HOXC4: variants seen among roughly 807,000 people sequenced by gnomAD.
The protein encoded by HOXC4 is homeobox C4.
In HOXC4, 15 loss-of-function variants were observed where a neutral mutation model predicts 25.5. The ratio of observed to expected loss-of-function variants is 0.59; its 90% confidence interval spans 0.39 to 0.91. The LOEUF (loss-of-function observed/expected upper bound fraction) is 0.91, where lower values mean the gene tolerates loss of function less well. Among genes scored for constraint, HOXC4 ranks in the 40% least tolerant of loss-of-function variants. The pLI, the probability that HOXC4 is intolerant of heterozygous loss-of-function variation, is 0.00. For missense variants in HOXC4, 342 were observed against 352.4 expected, an observed-to-expected ratio of 0.97 and a Z score of 0.24; for synonymous variants, 165 against 148.0, an observed-to-expected ratio of 1.11 and a Z score of -0.83.
At position 54,055,798 on chromosome 12, in the gene HOXC4, G is replaced by A. The variant is rs891654029; in HGVS notation, c.*593G>A. The A allele has an allele frequency of 1.3e-5, 2 of 152,480 alleles. No individual in the cohort carries two copies. Among genetic ancestry groups the A allele is most frequent in the Admixed American group, 1.3e-4 (2 of 15,254 alleles). 9.4% of individuals were successfully genotyped at this position (152,480 alleles called of 1,614,324 possible). On this transcript the variant is annotated 3_prime_UTR_variant, in exon 2 of 2. Transcript: ENST00000430889. ...GCGAAGACAGCAGACAAAGCTAAAT[G>A]CATCTGGAGAGCCTCTCAGAGCTGT...
chr12:54,018,560 C>T (rs1007022180), intron 1 of HOXC4, among the ~76,000 whole-genome samples: 2 of 152,228 alleles, frequency 1.3e-5, no homozygotes, highest in African/African-American at 4.8e-5. Flanking sequence ...CTTAACCCGA[C>T]GCATATGGTT....
intron 1 of HOXC4, chr12:54,033,655 A>C: frequency 8.1e-7 from 1 of 1,238,662 alleles, no homozygotes; most frequent in South Asian, 1.6e-5. Context: ...AAGAAAAAAA[A>C]CCTGCGGCCA....
chr12:54,031,388 C>T (rs1321556555), intron 1 of HOXC4, among the ~76,000 whole-genome samples: 6 of 152,192 alleles, frequency 3.9e-5, no homozygotes, highest in African/African-American at 1.4e-4. Context: ...AAGGACATCT[C>T]GAGAGAGAAA....
At chr12:54,036,942 G>A (rs922573490) in intron 1 of HOXC4, among the ~76,000 whole-genome samples, 4 of 152,184 alleles carry the variant, frequency 2.6e-5, no homozygotes, top group Non-Finnish European at 5.9e-5. Flanking sequence ...TCATAGATAG[G>A]GGCAATGTTG....
At chr12:54,020,423 CAA>C (rs1940383490) in intron 1 of HOXC4, 1 of 152,252 alleles carries the variant, frequency 6.6e-6, no homozygotes, top group African/African-American at 2.4e-5. Flanking sequence ...TTGGGCAGAG[CAA>C]ACCCTTTCTC....
At chr12:54,032,976 A>AG in intron 1 of HOXC4, 1 of 671,880 alleles carries the variant, frequency 1.5e-6, no homozygotes, top group Admixed American at 3.0e-5. Flanking sequence ...AGGCTCCCTT[A>AG]TTTGGGAAGA....
intron 1 of HOXC4, among the ~76,000 whole-genome samples, chr12:54,044,242 C>T (rs1937646565): frequency 6.6e-6 from 1 of 152,108 alleles, no homozygotes; most frequent in Non-Finnish European, 1.5e-5. Context: ...CTCCTTTCCT[C>T]CCTTCCCCAG....
chr12:54,046,873 G>A (rs906991663), intron 1 of HOXC4, among the ~76,000 whole-genome samples: 13 of 152,164 alleles, frequency 8.5e-5, no homozygotes, highest in African/African-American at 2.9e-4. Flanking sequence ...TTCCCGGGCG[G>A]AGGTGCGCGC....
At chr12:54,026,501 C>T (rs1184887107) in intron 1 of HOXC4, among the ~76,000 whole-genome samples, 1 of 152,204 alleles carries the variant, frequency 6.6e-6, no homozygotes, top group Admixed American at 6.5e-5. Flanking sequence ...TCTACCCTTT[C>T]CCCTTCATTT....
At chr12:54,029,030 T>A in intron 1 of HOXC4, 1 of 1,064,784 alleles carries the variant, frequency 9.4e-7, no homozygotes, top group Non-Finnish European at 1.3e-6. Flanking sequence ...ATAAAAACAA[T>A]CACGCTCGTC....
At position 54,054,295 on chromosome 12, in the gene HOXC4, C is replaced by A; in HGVS notation, c.373C>A (p.Pro125Thr). The A allele has an allele frequency of 6.2e-7, 1 of 1,604,714 alleles. No individual in the cohort carries two copies. The highest frequency in any genetic ancestry group is 8.5e-7 in the Non-Finnish European group (1 of 1,174,956). ...PACSQPAPDH[P>T]SSAASKQPIV... The stretch of plus-strand genomic sequence containing the variant: ...CTGCAGCCAGCCAGCCCCCGACCAT[C>A]CCTCCAGCGCCGCCAGCAAGCAACC... Residue 125 changes from proline (P) to threonine (T), a missense_variant, in exon 1 of 2, where the codon CCC becomes ACC. Pro to Thr is a conservative substitution (Grantham distance 38). Coordinates refer to ENST00000430889, the MANE Select transcript of HOXC4 (RefSeq NM_153633.3).
In HOXC4 at chr12:54,054,728, C is replaced by T. The variant is rs1030968024; in HGVS notation, c.440-122C>T. Reference sequence around the variant, plus strand: ...TCAACTTCTTTATAACCCATTTAAGCTTGATGACTTTATTTCCACCACTCC... The same window carrying T: ...TCAACTTCTTTATAACCCATTTAAGTTTGATGACTTTATTTCCACCACTCC... On this transcript the variant is annotated intron_variant, in intron 1 of 1. Coordinates refer to ENST00000430889, the MANE Select transcript of HOXC4 (RefSeq NM_153633.3). 133 of 670,450 alleles carry T rather than the reference C, an allele frequency of 2.0e-4. 2 individuals carry two copies. The highest frequency in any genetic ancestry group is 9.9e-4 in the South Asian group (51 of 51,530). The allele number at this position is 670,450 out of a possible 1,614,324, so 41.5% of individuals were successfully genotyped here. A position where few individuals can be genotyped will look rare whatever the true frequency, so the allele number is the denominator to read the frequency against.
At chr12:54,025,499 T>G (rs1449363975) in intron 1 of HOXC4, among the ~76,000 whole-genome samples, 1 of 140,510 alleles carries the variant, frequency 7.1e-6, no homozygotes, top group Non-Finnish European at 1.5e-5. Flanking sequence ...GAAGAGGGCT[T>G]CTTCTTTCCT....
rs76230106 is a variant in HOXC4 at position 54,026,838 on chromosome 12, T to G, written c.-124+9424T>G. Reference sequence around the variant, plus strand: ...AGTTTTTTCTCAGCATAGTCCCGTTTATGGCTTTATTGCTACCCATTGATT... The same window carrying G: ...AGTTTTTTCTCAGCATAGTCCCGTTGATGGCTTTATTGCTACCCATTGATT... On this transcript the variant is annotated intron_variant, in intron 1 of 3. Transcript: ENST00000303406. Among the ~76,000 whole-genome samples, 652 of 152,340 alleles carry G rather than the reference T, an allele frequency of 4.3e-3. 2 individuals carry two copies. The highest frequency in any genetic ancestry group is 0.015 in the African/African-American group (624 of 41,576).
intron 1 of HOXC4, among the ~76,000 whole-genome samples, chr12:54,023,782 G>A (rs540716140): frequency 1.4e-4 from 22 of 152,268 alleles, no homozygotes; most frequent in Admixed American, 4.6e-4. Context: ...TTGGAATGCG[G>A]TGTGTGTAGC....
intron 1 of HOXC4, chr12:54,034,370 C>T: frequency 6.2e-7 from 1 of 1,614,204 alleles, no homozygotes; most frequent in East Asian, 2.2e-5. Flanking sequence ...CCTCACTCGC[C>T]GCAGGCGCAT....
At chr12:54,054,506 T>C in intron 1 of HOXC4, 145 bp downstream of exon 1, 1 of 626,926 alleles carries the variant, frequency 1.6e-6, no homozygotes, top group Non-Finnish European at 2.8e-6. Flanking sequence ...ACAATTGAAC[T>C]GGATTTACGA....
At chr12:54,033,602 C>T (rs375633977) in intron 1 of HOXC4, 1 of 1,508,668 alleles carries the variant, frequency 6.6e-7, no homozygotes, top group Non-Finnish European at 8.9e-7. Flanking sequence ...TCATTTTGCG[C>T]TCTCGGGTCC....
Position 54,025,941 on chromosome 12 carries a change from C to T in HOXC4, c.-124+8527C>T, listed in dbSNP as rs117288890. Among the ~76,000 whole-genome samples the T allele has an allele frequency of 8.1e-3, 1,231 of 152,180 alleles. 5 individuals carry two copies. Among genetic ancestry groups the T allele is most frequent in the Non-Finnish European group, 0.012 (844 of 67,980 alleles). ...CTTCTTTCTTCCAAGGTCCTTCCCT[C>T]CCCCACCCAGACATAAAAGAGATTT... is the stretch of plus-strand genomic sequence containing the variant. On this transcript the variant is annotated intron_variant, in intron 1 of 3. Transcript: ENST00000303406.
Sources: allele counts gnomAD v4.1 joint callset (sites outside exome capture counted in the v4.1 genomes callset), GRCh38; gene constraint gnomAD v4.1.1; transcripts MANE v1.5; gene names NCBI Gene and HGNC (gene_info 2026-07-23, HGNC 2026-07-21).